Variants in SPSB4 observed in about 807,000 individuals in gnomAD.
SPSB4 encodes SPRY domain-containing SOCS box protein 4.
Under a neutral mutation model 20.9 loss-of-function variants are expected in SPSB4, and 21 were observed. That is an observed-to-expected ratio of 1.01 (90% CI 0.71 to 1.45). The LOEUF is 1.45. Ranked by LOEUF, SPSB4 falls within the 40% of genes most tolerant of loss-of-function variation. SPSB4 has a pLI of 0.00. For synonymous variants in SPSB4, 207 were observed against 183.8 expected, an observed-to-expected ratio of 1.13 and a Z score of -1.02; for missense variants, 399 against 399.2, an observed-to-expected ratio of 1.00 and a Z score of 0.00.
chr3:141,134,049 C>CTTTTTTTTTTTT (rs1939184001), intron 2 of SPSB4, among the ~76,000 whole-genome samples: 69 of 63,862 alleles, frequency 1.1e-3, no homozygotes, highest in African/African-American at 1.3e-3. Flanking sequence ...TTTTTTTTTT[C>CTTTTTTTTTTTT]TTTTTTCTTT....
intron 2 of SPSB4, among the ~76,000 whole-genome samples, chr3:141,135,457 T>A (rs561203035): frequency 1.3e-5 from 2 of 152,132 alleles, no homozygotes; most frequent in South Asian, 4.2e-4. Flanking sequence ...TAACTCATCA[T>A]TTAGCATTAG....
At chr3:141,131,137 C>G (rs1375545760) in intron 2 of SPSB4, among the ~76,000 whole-genome samples, 1 of 152,128 alleles carries the variant, frequency 6.6e-6, no homozygotes, top group Non-Finnish European at 1.5e-5. Flanking sequence ...ACCATCATCA[C>G]AACAGCCCAT....
chr3:141,072,018 G>A (rs1030498872), intron 2 of SPSB4, among the ~76,000 whole-genome samples: 2 of 152,198 alleles, frequency 1.3e-5, no homozygotes, highest in Non-Finnish European at 2.9e-5. Flanking sequence ...GCATCTCCCG[G>A]GGTAGTGAGG....
intron 2 of SPSB4, among the ~76,000 whole-genome samples, chr3:141,137,103 C>T (rs6809517): frequency 0.49 from 74,239 of 151,828 alleles, 21,116 homozygotes; most frequent in African/African-American, 0.78. Context: ...TTTGAAGCAA[C>T]TTTGAATGGG....
At chr3:141,086,825 C>T (rs1378158904) in intron 2 of SPSB4, among the ~76,000 whole-genome samples, 4 of 152,166 alleles carry the variant, frequency 2.6e-5, no homozygotes, top group African/African-American at 9.7e-5. Flanking sequence ...CTCATAAGAA[C>T]ACTATAGAGG....
chr3:141,139,662 C>T (rs1939289332), intron 2 of SPSB4, among the ~76,000 whole-genome samples: 1 of 152,182 alleles, frequency 6.6e-6, no homozygotes, highest in Non-Finnish European at 1.5e-5. Flanking sequence ...TGAATATTGG[C>T]CCCCACTCTC....
At chr3:141,142,980 C>T (rs1466474169) in intron 2 of SPSB4, among the ~76,000 whole-genome samples, 1 of 151,794 alleles carries the variant, frequency 6.6e-6, no homozygotes, top group Non-Finnish European at 1.5e-5. Context: ...CCACGCCCAG[C>T]TAATTTTTTG....
chr3:141,059,502 G>T (rs1298580657), intron 1 of SPSB4, among the ~76,000 whole-genome samples: 1 of 151,040 alleles, frequency 6.6e-6, no homozygotes, highest in Non-Finnish European at 1.5e-5. Flanking sequence ...AGAGGCGGGG[G>T]TGGGGAGGTG....
chr3:141,063,701 A>G (rs1004493068), intron 1 of SPSB4, among the ~76,000 whole-genome samples: 11 of 152,016 alleles, frequency 7.2e-5, no homozygotes, highest in Non-Finnish European at 1.6e-4. Context: ...CTGTTCGTTT[A>G]TTCCTTTCTT....
intron 2 of SPSB4, among the ~76,000 whole-genome samples, chr3:141,129,313 C>G (rs1269337609): frequency 6.6e-6 from 1 of 152,228 alleles, no homozygotes; most frequent in East Asian, 1.9e-4. Context: ...GGATCAGGCT[C>G]TGCAGCTGGG....
chr3:141,118,811 T>C (rs1406372574), intron 2 of SPSB4, among the ~76,000 whole-genome samples: 1 of 152,162 alleles, frequency 6.6e-6, no homozygotes, highest in Non-Finnish European at 1.5e-5. Context: ...AGATGTGTAG[T>C]GTTATTTCTG....
intron 1 of SPSB4, among the ~76,000 whole-genome samples, chr3:141,055,918 C>T (rs1937629925): frequency 6.6e-6 from 1 of 152,184 alleles, no homozygotes; most frequent in Non-Finnish European, 1.5e-5. Flanking sequence ...GTAGGTAGGT[C>T]TTGTGCTGAG....
At chr3:141,104,346 G>T (rs939175583) in intron 2 of SPSB4, among the ~76,000 whole-genome samples, 1 of 152,198 alleles carries the variant, frequency 6.6e-6, no homozygotes, top group African/African-American at 2.4e-5. Context: ...AAGTACATGA[G>T]ACTGGCAAGA....
intron 2 of SPSB4, among the ~76,000 whole-genome samples, chr3:141,146,480 C>T (rs1017355394): frequency 1.3e-5 from 2 of 152,176 alleles, no homozygotes; most frequent in East Asian, 1.9e-4. Flanking sequence ...GTCCTTTTCA[C>T]ATTAAGACAC....
intron 1 of SPSB4, among the ~76,000 whole-genome samples, chr3:141,056,970 C>T (rs1468603627): frequency 6.6e-6 from 1 of 152,250 alleles, no homozygotes; most frequent in Non-Finnish European, 1.5e-5. Context: ...GACAGCCCAG[C>T]TTGCACCTTG....
intron 2 of SPSB4, among the ~76,000 whole-genome samples, chr3:141,107,012 TC>T: frequency 1.3e-5 from 2 of 152,286 alleles, no homozygotes; most frequent in South Asian, 4.1e-4. Context: ...CCAGCACAAG[TC>T]CTGGAATCCA....
intron 2 of SPSB4, among the ~76,000 whole-genome samples, chr3:141,104,637 G>T (rs1313478532): frequency 6.6e-6 from 1 of 152,250 alleles, no homozygotes; most frequent in Non-Finnish European, 1.5e-5. Context: ...CAGGCAGGCA[G>T]TGGTGTCTGC....
Position 141,066,438 on chromosome 3 carries a change from C to A in SPSB4, c.334C>A (p.His112Asn). Residue 112 changes from histidine (H) to asparagine (N), a missense_variant, in exon 2 of 3, where the codon CAC becomes AAC. Physicochemically the swap from His to Asn is moderately conservative, Grantham distance 68 (BLOSUM62 1). Coordinates refer to ENST00000310546, the MANE Select transcript of SPSB4 (RefSeq NM_080862.3). Reference protein sequence around the residue: ...INWPARQRGTHAVVGVATARA... With the variant: ...INWPARQRGTNAVVGVATARA... ...CTGGCCGGCTCGGCAGCGCGGCACC[C>A]ACGCTGTAGTTGGTGTGGCCACGGC... 1 of 1,507,390 alleles carries A rather than the reference C, an allele frequency of 6.6e-7. No individual in the cohort carries two copies. Among genetic ancestry groups the A allele is most frequent in the Non-Finnish European group, 8.9e-7 (1 of 1,129,020 alleles). The allele number at this position is 1,507,390 out of a possible 1,614,324, so 93.4% of individuals were successfully genotyped here. A position where few individuals can be genotyped will look rare whatever the true frequency, so the allele number is the denominator to read the frequency against.
chr3:141,139,138 T>A (rs1939278505), intron 2 of SPSB4, among the ~76,000 whole-genome samples: 1 of 152,230 alleles, frequency 6.6e-6, no homozygotes, highest in Non-Finnish European at 1.5e-5. Context: ...GTCTGTTTTA[T>A]CAGAGACTAG....
Sources: allele counts gnomAD v4.1 joint callset (sites outside exome capture counted in the v4.1 genomes callset), GRCh38; gene constraint gnomAD v4.1.1; transcripts MANE v1.5; gene names NCBI Gene and HGNC (gene_info 2026-07-23, HGNC 2026-07-21).